The following ADGRV1 variants were observed in gnomAD, a reference collection of about 807,000 sequenced individuals.
The protein encoded by ADGRV1 is adhesion G protein-coupled receptor V1.
Under a neutral mutation model 596.2 loss-of-function variants are expected in ADGRV1, and 359 were observed. The observed-to-expected ratio is 0.60, with a 90% CI of 0.55 to 0.66. The LOEUF is 0.66. Among genes scored for constraint, ADGRV1 ranks in the 30% least tolerant of loss-of-function variants. The probability of loss-of-function intolerance (pLI) is 0.00; values close to 1 mark genes in which losing one functional copy is unlikely to be tolerated. For missense variants in ADGRV1, 7,274 were observed against 7,575.6 expected (o/e 0.96, Z 1.48); for synonymous variants, 2,681 against 2,679.2 (o/e 1.00, Z -0.02).
chr5:90,995,282 G>A (rs1161953547), intron 85 of ADGRV1, among the ~76,000 whole-genome samples: 5 of 152,146 alleles, frequency 3.3e-5, no homozygotes, highest in African/African-American at 1.2e-4. Context: ...GCTGAACTCT[G>A]AGATACGTGA....
At chr5:90,961,155 T>A (rs16869289) in intron 83 of ADGRV1, among the ~76,000 whole-genome samples, 21,720 of 151,920 alleles carry the variant, frequency 0.14, 2,527 homozygotes, top group African/African-American at 0.31. Context: ...ATAGTCTAGG[T>A]ATCTGCCATG....
At chr5:90,603,871 C>T (rs917480223) in intron 1 of ADGRV1, among the ~76,000 whole-genome samples, 15 of 136,590 alleles carry the variant, frequency 1.1e-4, no homozygotes, top group African/African-American at 1.8e-4. Flanking sequence ...AGGTGGTGAG[C>T]GTGCATGTGT....
At position 90,804,391 on chromosome 5, in the gene ADGRV1, C is replaced by T. The variant is rs192515498; in HGVS notation, c.14662-893C>T. On this transcript the variant is annotated intron_variant, in intron 71 of 89. Transcript: ENST00000405460. The stretch of plus-strand genomic sequence containing the variant: ...CACTCCAGCCTGGATGACAGAGCGA[C>T]GCTCTGTCTCAAGAAAAAAAAAAGA... Among the ~76,000 whole-genome samples, 54 of 151,518 alleles carry T rather than the reference C, an allele frequency of 3.6e-4. 1 individual carries two copies. The East Asian group carries it at 7.8e-3, about 22-fold the overall frequency.
intron 85 of ADGRV1, among the ~76,000 whole-genome samples, chr5:91,047,441 G>A (rs1198465866): frequency 6.6e-6 from 1 of 152,186 alleles, no homozygotes; most frequent in African/African-American, 2.4e-5. Context: ...CAAAGCTGAA[G>A]AACTTGGAGT....
chr5:90,797,287 CA>C (rs780696194), intron 70 of ADGRV1, among the ~76,000 whole-genome samples: 1,477 of 26,390 alleles, frequency 0.056, 11 homozygotes, highest in African/African-American at 0.17. Flanking sequence ...AAATGAAAAG[CA>C]AAAAAAAAAA....
chr5:91,022,056 G>GAT (rs1308242022), intron 85 of ADGRV1, among the ~76,000 whole-genome samples: 1 of 152,062 alleles, frequency 6.6e-6, no homozygotes, highest in Non-Finnish European at 1.5e-5. Flanking sequence ...ACAAACAAAT[G>GAT]ATAGCGCATG....
chr5:91,112,600 T>A (rs1792469516), intron 87 of ADGRV1, among the ~76,000 whole-genome samples: 1 of 152,222 alleles, frequency 6.6e-6, no homozygotes, highest in African/African-American at 2.4e-5. Context: ...TTCTTTGTCT[T>A]CATGTTAACT....
Position 90,729,648 on chromosome 5 carries a change from A to G in ADGRV1, c.10433A>G (p.Gln3478Arg). The G allele has an allele frequency of 6.2e-7, 1 of 1,603,444 alleles. No homozygotes were observed. The highest frequency in any genetic ancestry group is 8.5e-7 in the Non-Finnish European group (1 of 1,171,992). The change falls in exon 50 of 90, where the codon CAG becomes CGG. Residue 3478 changes from glutamine (Q) to arginine (R), a missense_variant. By Grantham distance (43) the Gln-to-Arg change is conservative. Around this residue, in one of 5 missense-constraint regions of ADGRV1, gnomAD observed 3,643 missense variants for 3,809.2 expected, o/e 0.96. Coordinates refer to ENST00000405460, the MANE Select transcript of ADGRV1 (RefSeq NM_032119.4). Reference protein sequence around the residue: ...IFAENVFLGDQNSIDIFIWEM... With the variant: ...IFAENVFLGDRNSIDIFIWEM... The stretch of plus-strand genomic sequence containing the variant: ...TTCTATTTCATTATTGCAGGAGATC[A>G]GAATTCAATTGATATTTTCATCTGG...
intron 83 of ADGRV1, among the ~76,000 whole-genome samples, chr5:90,917,860 T>A (rs962923852): frequency 2.6e-5 from 4 of 152,162 alleles, no homozygotes; most frequent in African/African-American, 7.2e-5. Flanking sequence ...CATCATCATC[T>A]TCATCATCAT....
At chr5:90,925,454 G>A (rs1434804940) in intron 83 of ADGRV1, among the ~76,000 whole-genome samples, 8 of 152,176 alleles carry the variant, frequency 5.3e-5, no homozygotes, top group African/African-American at 1.7e-4. Context: ...GTGTATAAGA[G>A]TGCTTGTGAT....
chr5:90,904,864 T>C (rs1434787628), intron 83 of ADGRV1, among the ~76,000 whole-genome samples: 1 of 151,878 alleles, frequency 6.6e-6, no homozygotes, highest in African/African-American at 2.4e-5. Context: ...ACTTCATAGT[T>C]TGAGGTCTTA....
At chr5:90,854,300 A>C in intron 81 of ADGRV1, 99 bp downstream of exon 81, 2 of 791,762 alleles carry the variant, frequency 2.5e-6, no homozygotes, top group Non-Finnish European at 3.8e-6. Context: ...GTGGCCCCAG[A>C]TGACATTAGA....
At chr5:90,969,932 C>G (rs1281496650) in intron 84 of ADGRV1, among the ~76,000 whole-genome samples, 2 of 152,222 alleles carry the variant, frequency 1.3e-5, no homozygotes, top group African/African-American at 4.8e-5. Context: ...GAGGCATCGC[C>G]TCACCAGGGA....
chr5:90,684,690 G>T (rs534596649), intron 28 of ADGRV1, among the ~76,000 whole-genome samples: 1 of 152,176 alleles, frequency 6.6e-6, no homozygotes, highest in East Asian at 1.9e-4. Flanking sequence ...TTTACATGGG[G>T]ACTAACCCCA....
chr5:90,795,205 G>A (rs933736099), intron 70 of ADGRV1, among the ~76,000 whole-genome samples: 1 of 150,304 alleles, frequency 6.7e-6, no homozygotes, highest in Non-Finnish European at 1.5e-5. Flanking sequence ...GTCTTGCTCA[G>A]CAGGTCCCAC....
At chr5:91,162,516 G>C (rs1797041279) in intron 89 of ADGRV1, among the ~76,000 whole-genome samples, 1 of 152,126 alleles carries the variant, frequency 6.6e-6, no homozygotes, top group African/African-American at 2.4e-5. Context: ...GGATCCTGCA[G>C]GCCTTGAGAC....
At chr5:91,083,546 T>C (rs1319874590) in intron 86 of ADGRV1, among the ~76,000 whole-genome samples, 4 of 152,170 alleles carry the variant, frequency 2.6e-5, no homozygotes, top group African/African-American at 7.2e-5. Flanking sequence ...CAGAGAAAAG[T>C]ATACCATATT....
chr5:91,062,609 C>G (rs1310673263), intron 85 of ADGRV1, among the ~76,000 whole-genome samples: 1 of 152,062 alleles, frequency 6.6e-6, no homozygotes, highest in Non-Finnish European at 1.5e-5. Context: ...ACTTTCCTTC[C>G]CATCTCGTTT....
chr5:91,010,064 G>A (rs1782599899), intron 85 of ADGRV1, among the ~76,000 whole-genome samples: 2 of 151,878 alleles, frequency 1.3e-5, no homozygotes, highest in African/African-American at 4.8e-5. Flanking sequence ...CATTTCATTC[G>A]TAAGAATTGG....
Sources: gnomAD v4.1 joint callset for allele counts (sites outside exome capture counted in the v4.1 genomes callset) on GRCh38, gnomAD v4.1.1 for gene constraint, gnomAD v4.1.1 regional missense constraint, MANE v1.5 for transcripts, NCBI Gene and HGNC (gene_info 2026-07-23, HGNC 2026-07-21) for gene names.